The following TENM4 variants were observed in gnomAD, a reference collection of about 807,000 sequenced individuals.
TENM4 encodes teneurin-4.
In TENM4, 82 loss-of-function variants were observed where a neutral mutation model predicts 243.3. The observed-to-expected ratio is 0.34, with a 90% confidence interval of 0.28 to 0.40. The LOEUF (loss-of-function observed/expected upper bound fraction) is 0.40. Among genes scored for constraint, TENM4 ranks in the 10% least tolerant of loss-of-function variants. TENM4 has a pLI of 1.00. For synonymous variants in TENM4, 1,412 were observed against 1,456.3 expected, an observed-to-expected ratio of 0.97 and a Z score of 0.69; for missense variants, 3,138 against 3,673.3, an observed-to-expected ratio of 0.85 and a Z score of 3.77.
intron 6 of TENM4, among the ~76,000 whole-genome samples, chr11:78,981,270 A>G (rs996994856): frequency 8.5e-5 from 13 of 152,346 alleles, no homozygotes; most frequent in African/African-American, 3.1e-4. Flanking sequence ...AAGGATAGTA[A>G]CAACCCATCC....
intron 6 of TENM4, among the ~76,000 whole-genome samples, chr11:78,949,909 G>A (rs1261942471): frequency 6.6e-6 from 1 of 152,090 alleles, no homozygotes; most frequent in Admixed American, 6.6e-5. Context: ...TCTCTGTCTC[G>A]GTTTCCTCCT....
chr11:78,893,396 A>G (rs552900290), intron 7 of TENM4, among the ~76,000 whole-genome samples: 1 of 152,318 alleles, frequency 6.6e-6, no homozygotes, highest in East Asian at 1.9e-4. Context: ...TTCATTTTAC[A>G]AAACCCAAAG....
At chr11:79,095,117 G>A (rs952597843) in intron 4 of TENM4, among the ~76,000 whole-genome samples, 1 of 152,160 alleles carries the variant, frequency 6.6e-6, no homozygotes, top group Non-Finnish European at 1.5e-5. Context: ...AGGGGCAGGA[G>A]CAGGCCCCTC....
At chr11:78,727,960 C>A (rs903832238) in intron 22 of TENM4, among the ~76,000 whole-genome samples, 16 of 152,306 alleles carry the variant, frequency 1.1e-4, no homozygotes, top group African/African-American at 3.8e-4. Flanking sequence ...GGCTGGAAGA[C>A]GTCCCTGTGA....
intron 12 of TENM4, among the ~76,000 whole-genome samples, chr11:78,845,190 T>C (rs1216341678): frequency 1.3e-5 from 2 of 152,222 alleles, no homozygotes; most frequent in African/African-American, 4.8e-5. Flanking sequence ...TATAGGCTCT[T>C]TGAGGGCAAA....
At chr11:78,789,307 G>A (rs1006951006) in intron 15 of TENM4, among the ~76,000 whole-genome samples, 4 of 152,138 alleles carry the variant, frequency 2.6e-5, no homozygotes, top group African/African-American at 7.2e-5. Flanking sequence ...ACTGTCCCAC[G>A]TGAGGACAGG....
In TENM4 at chr11:79,379,268, G is replaced by T. The variant is rs555139837; in HGVS notation, c.-321+61241C>A. On this transcript the variant is annotated intron_variant, in intron 1 of 33. Coordinates refer to ENST00000278550, the MANE Select transcript of TENM4 (RefSeq NM_001098816.3). ...AGAACAGCACAAGGAAAGTCAAAGA[G>T]CTACCTCCCAGGCCAGGTCAGGCCT... Among the ~76,000 whole-genome samples the T allele has an allele frequency of 6.6e-5, 10 of 152,302 alleles. No individual in the cohort carries two copies. In the East Asian group the frequency reaches 1.9e-3, roughly 29 times the overall value.
chr11:79,381,543 A>G (rs1858003778), intron 1 of TENM4, among the ~76,000 whole-genome samples: 1 of 149,956 alleles, frequency 6.7e-6, no homozygotes, highest in Non-Finnish European at 1.5e-5. Flanking sequence ...GAGTTCATTA[A>G]ACTCTGGACC....
At chr11:78,704,275 C>T (rs1322931355) in intron 27 of TENM4, among the ~76,000 whole-genome samples, 6 of 149,160 alleles carry the variant, frequency 4.0e-5, no homozygotes, top group Non-Finnish European at 7.4e-5. Flanking sequence ...CGTGGCCTTC[C>T]GAAGTACAGG....
intron 7 of TENM4, among the ~76,000 whole-genome samples, chr11:78,901,175 T>C (rs1458503635): frequency 6.6e-6 from 1 of 152,122 alleles, no homozygotes; most frequent in Non-Finnish European, 1.5e-5. Flanking sequence ...ATTAAATATA[T>C]ATGATATATA....
chr11:78,972,907 A>C (rs1202306904), intron 6 of TENM4, among the ~76,000 whole-genome samples: 1 of 152,198 alleles, frequency 6.6e-6, no homozygotes, highest in Non-Finnish European at 1.5e-5. Context: ...TATTCTGAGC[A>C]TTTCATAAAA....
intron 4 of TENM4, among the ~76,000 whole-genome samples, chr11:79,117,359 C>G (rs1174330928): frequency 6.6e-6 from 1 of 152,162 alleles, no homozygotes. Context: ...AGGCTATTTT[C>G]AAGCCTGATT....
intron 1 of TENM4, among the ~76,000 whole-genome samples, chr11:79,398,319 G>A (rs986302424): frequency 5.9e-5 from 9 of 152,024 alleles, no homozygotes; most frequent in African/African-American, 9.7e-5. Context: ...AGGGGTGGGC[G>A]CATCTCACCT....
intron 1 of TENM4, among the ~76,000 whole-genome samples, chr11:79,419,119 A>G (rs1190009335): frequency 6.6e-6 from 1 of 152,208 alleles, no homozygotes; most frequent in African/African-American, 2.4e-5. Context: ...CAGCTGAGCC[A>G]TTTCCCTGCC....
At chr11:78,690,151 C>T (rs1858783711) in intron 28 of TENM4, among the ~76,000 whole-genome samples, 1 of 152,144 alleles carries the variant, frequency 6.6e-6, no homozygotes, top group Non-Finnish European at 1.5e-5. Flanking sequence ...AGGCTGAAAC[C>T]TGGAATGGGT....
rs565962977 is a variant in TENM4 at position 79,428,482 on chromosome 11, C to T, written c.-321+12027G>A. Among the ~76,000 whole-genome samples the T allele has an allele frequency of 1.9e-4, 29 of 152,348 alleles. No individual in the cohort carries two copies. In the East Asian group the frequency reaches 5.6e-3, roughly 29 times the overall value. ...AGGATGTGGACAGAAATCAAGCATT[C>T]TCTCTTCCACTTGAAGAATGCTGAG... On this transcript the variant is annotated intron_variant, in intron 1 of 33. Coordinates refer to ENST00000278550, the MANE Select transcript of TENM4 (RefSeq NM_001098816.3).
At chr11:79,152,953 A>G (rs766008232) in intron 3 of TENM4, among the ~76,000 whole-genome samples, 3 of 152,254 alleles carry the variant, frequency 2.0e-5, no homozygotes, top group African/African-American at 7.2e-5. Context: ...AAAACATACC[A>G]AAGACTAATT....
intron 9 of TENM4, among the ~76,000 whole-genome samples, chr11:78,886,793 C>T (rs1461717705): frequency 6.6e-6 from 1 of 152,214 alleles, no homozygotes; most frequent in Non-Finnish European, 1.5e-5. Context: ...TATTTCGACA[C>T]AGACACAATA....
chr11:79,218,243 C>CCT (rs1163575964), intron 2 of TENM4, among the ~76,000 whole-genome samples: 1 of 143,424 alleles, frequency 7.0e-6, no homozygotes, highest in Non-Finnish European at 1.5e-5. Flanking sequence ...CACCCACCCC[C>CCT]GACACACACA....
Sources: allele counts gnomAD v4.1 joint callset (sites outside exome capture counted in the v4.1 genomes callset), GRCh38; gene constraint gnomAD v4.1.1; transcripts MANE v1.5; gene names NCBI Gene and HGNC (gene_info 2026-07-23, HGNC 2026-07-21).